Variants in FGF12 observed in about 807,000 individuals in gnomAD.
The protein encoded by FGF12 is fibroblast growth factor 12.
FGF12 carries 14 observed loss-of-function variants against 23.6 expected under a neutral mutation model. The ratio of observed to expected loss-of-function variants is 0.59; its 90% CI spans 0.39 to 0.93. The LOEUF is 0.93. Among genes scored for constraint, FGF12 ranks in the 40% least tolerant of loss-of-function variants. The pLI, the probability that FGF12 is intolerant of heterozygous loss-of-function variation, is 0.00. For synonymous variants in FGF12, 62 were observed against 77.3 expected, an observed-to-expected ratio of 0.80 and a Z score of 1.04; for missense variants, 175 against 217.8, an observed-to-expected ratio of 0.80 and a Z score of 1.24.
chr3:192,624,185 A>C (rs1456255072), intron 2 of FGF12, among the ~76,000 whole-genome samples: 2 of 152,104 alleles, frequency 1.3e-5, no homozygotes, highest in African/African-American at 2.4e-5. Context: ...AATGCGGAAC[A>C]ATCTCTTAGA....
At chr3:192,501,366 C>G (rs574250641) in intron 2 of FGF12, among the ~76,000 whole-genome samples, 1 of 152,264 alleles carries the variant, frequency 6.6e-6, no homozygotes, top group African/African-American at 2.4e-5. Context: ...GTGTTTGTTA[C>G]CATATTCTCT....
intron 2 of FGF12, among the ~76,000 whole-genome samples, chr3:192,525,815 G>A (rs188555290): frequency 2.4e-4 from 36 of 151,962 alleles, no homozygotes; most frequent in East Asian, 1.9e-4. Context: ...TCACTCTGTC[G>A]CCAGGCTGGA....
rs547088988 is a variant in FGF12 at position 192,232,090 on chromosome 3, C to T, written c.229-61434G>A. Among the ~76,000 whole-genome samples, 682 of 151,580 alleles carry T rather than the reference C, an allele frequency of 4.5e-3. 4 individuals carry two copies. The highest frequency in any genetic ancestry group is 7.5e-3 in the Non-Finnish European group (508 of 67,786). On this transcript the variant is annotated intron_variant, in intron 4 of 5. Coordinates refer to ENST00000445105, the MANE Select transcript of FGF12 (RefSeq NM_004113.6). ...GAATTCAGTAATAAATCAAATACAC[C>T]TTTTTTTTTCTTGTAACTTCCCATT...
At chr3:192,682,917 G>A (rs1560193245) in intron 2 of FGF12, among the ~76,000 whole-genome samples, 1 of 152,202 alleles carries the variant, frequency 6.6e-6, no homozygotes, top group Non-Finnish European at 1.5e-5. Flanking sequence ...AGGCTCTGGT[G>A]AGCTTCCTTG....
At chr3:192,355,361 TAAAG>T (rs1374691359) in intron 3 of FGF12, among the ~76,000 whole-genome samples, 5 of 152,206 alleles carry the variant, frequency 3.3e-5, no homozygotes, top group Non-Finnish European at 5.9e-5. Flanking sequence ...AGTAGATAGA[TAAAG>T]ACAGATGGAT....
At chr3:192,211,582 C>T (rs560406667) in intron 4 of FGF12, among the ~76,000 whole-genome samples, 5 of 152,054 alleles carry the variant, frequency 3.3e-5, no homozygotes, top group Non-Finnish European at 5.9e-5. Context: ...CCCCCCACCA[C>T]GCCTAGCTAA....
At chr3:192,321,983 A>G (rs1716563759) in intron 4 of FGF12, among the ~76,000 whole-genome samples, 1 of 152,158 alleles carries the variant, frequency 6.6e-6, no homozygotes, top group East Asian at 1.9e-4. Context: ...ATCAGACAAG[A>G]GAAAGAAATA....
chr3:192,172,761 G>C (rs1407990823), intron 4 of FGF12, among the ~76,000 whole-genome samples: 1 of 150,894 alleles, frequency 6.6e-6, no homozygotes, highest in Non-Finnish European at 1.5e-5. Context: ...ACATACAGTT[G>C]CCACACAATC....
intron 2 of FGF12, among the ~76,000 whole-genome samples, chr3:192,585,396 G>A (rs956752389): frequency 6.6e-6 from 1 of 152,110 alleles, no homozygotes; most frequent in African/African-American, 2.4e-5. Flanking sequence ...TGAGGGGTGG[G>A]AGCAGTTTCA....
chr3:192,668,655 C>T (rs141438518), intron 2 of FGF12, among the ~76,000 whole-genome samples: 14 of 152,264 alleles, frequency 9.2e-5, no homozygotes, highest in Admixed American at 2.0e-4. Context: ...GAGATGCTAT[C>T]ATGAGACCTG....
intron 2 of FGF12, among the ~76,000 whole-genome samples, chr3:192,546,457 C>T (rs1725496221): frequency 7.0e-6 from 1 of 142,562 alleles, no homozygotes; most frequent in Non-Finnish European, 1.5e-5. Context: ...GAATCTGTAA[C>T]ATGTTTGTCA....
chr3:192,533,746 C>A (rs1249484070), intron 2 of FGF12, among the ~76,000 whole-genome samples: 1 of 152,146 alleles, frequency 6.6e-6, no homozygotes, highest in African/African-American at 2.4e-5. Flanking sequence ...TCAGAAGCGA[C>A]CCCATTTTTC....
intron 4 of FGF12, among the ~76,000 whole-genome samples, chr3:192,289,765 C>T (rs1202160563): frequency 6.6e-6 from 1 of 152,108 alleles, no homozygotes; most frequent in Non-Finnish European, 1.5e-5. Context: ...GCACTTGGTA[C>T]ATATTAGATG....
intron 4 of FGF12, among the ~76,000 whole-genome samples, chr3:192,198,239 G>C (rs1159525658): frequency 6.6e-6 from 1 of 152,112 alleles, no homozygotes; most frequent in Admixed American, 6.5e-5. Flanking sequence ...ACTTTTTTAT[G>C]ACCAAAATGT....
intron 2 of FGF12, among the ~76,000 whole-genome samples, chr3:192,414,782 T>C (rs1721293947): frequency 6.6e-6 from 1 of 152,152 alleles, no homozygotes; most frequent in African/African-American, 2.4e-5. Flanking sequence ...TGTACTTCCA[T>C]TCACTAGCTT....
At chr3:192,347,320 G>T (rs1718010492) in intron 3 of FGF12, among the ~76,000 whole-genome samples, 1 of 152,250 alleles carries the variant, frequency 6.6e-6, no homozygotes, top group East Asian at 1.9e-4. Flanking sequence ...TGTTGGAAAG[G>T]CAGAATCTCA....
chr3:192,430,916 C>T (rs1203592132), intron 2 of FGF12, among the ~76,000 whole-genome samples: 3 of 152,146 alleles, frequency 2.0e-5, no homozygotes, highest in Non-Finnish European at 4.4e-5. Flanking sequence ...GTTTTTCAAA[C>T]AATTGGGTCT....
chr3:192,591,389 C>T (rs759135049), intron 2 of FGF12, among the ~76,000 whole-genome samples: 1 of 151,702 alleles, frequency 6.6e-6, no homozygotes, highest in African/African-American at 2.4e-5. Flanking sequence ...TGCCTTAAAA[C>T]AGCTGCCAGT....
rs940902 is a variant in FGF12, at chr3:192,248,988, C to T, written c.229-78332G>A. ...TGAATAGTTTTAACAACTGTTTTGG[C>T]GCTCAAATTGAGACTTGATTAACAA... On this transcript the variant is annotated intron_variant, in intron 4 of 5. Transcript: ENST00000445105. 4.6e-5 allele frequency among the ~76,000 whole-genome samples: 7 copies of T among 151,900 alleles called. No homozygotes were observed. The South Asian group carries it at 1.2e-3, about 27-fold the overall frequency.
Sources: allele counts gnomAD v4.1 joint callset (sites outside exome capture counted in the v4.1 genomes callset), GRCh38; gene constraint gnomAD v4.1.1; transcripts MANE v1.5; gene names NCBI Gene and HGNC (gene_info 2026-07-23, HGNC 2026-07-21).